PPP6R2: variants seen among roughly 807,000 people sequenced by gnomAD.
PPP6R2 encodes serine/threonine-protein phosphatase 6 regulatory subunit 2.
A neutral mutation model predicts 100.2 loss-of-function variants in PPP6R2; 62 were observed. The ratio of observed to expected loss-of-function variants is 0.62; its 90% confidence interval spans 0.50 to 0.76. The LOEUF (loss-of-function observed/expected upper bound fraction) is 0.76, where lower values mean the gene tolerates loss of function less well. Ranked by LOEUF, PPP6R2 falls within the 30% of genes least tolerant of loss-of-function variation. The probability of loss-of-function intolerance (pLI) is 0.00; values close to 1 mark genes in which losing one functional copy is unlikely to be tolerated. For synonymous variants in PPP6R2, 525 were observed against 514.7 expected (o/e 1.02, Z -0.27); for missense variants, 1,142 against 1,276.3 (o/e 0.89, Z 1.60).
At chr22:50,442,136 C>T (rs554775537) in intron 22 of PPP6R2, among the ~76,000 whole-genome samples, 30 of 152,262 alleles carry the variant, frequency 2.0e-4, no homozygotes, top group Admixed American at 7.8e-4. Flanking sequence ...CCAGCCTCAC[C>T]GCCCAATGCA....
At chr22:50,369,087 A>C (rs2049394233) in intron 1 of PPP6R2, among the ~76,000 whole-genome samples, 1 of 151,870 alleles carries the variant, frequency 6.6e-6, no homozygotes, top group Non-Finnish European at 1.5e-5. Context: ...AAAAATACAA[A>C]ATTAGCTGGG....
chr22:50,353,456 A>C (rs781624394), intron 1 of PPP6R2, among the ~76,000 whole-genome samples: 8 of 152,198 alleles, frequency 5.3e-5, no homozygotes, highest in Non-Finnish European at 1.2e-4. Context: ...CACGGTTTGT[A>C]GTTTCCCAAA....
intron 21 of PPP6R2, among the ~76,000 whole-genome samples, 191 bp downstream of exon 21, chr22:50,440,240 G>A (rs1041582553): frequency 2.0e-5 from 3 of 152,136 alleles, no homozygotes; most frequent in Admixed American, 6.5e-5. Flanking sequence ...GCCCCCAGAG[G>A]GGAGGCAGCA....
At chr22:50,339,998 GGC>G (rs2042354197), upstream of PPP6R2, among the ~76,000 whole-genome samples, 3 of 139,634 alleles carry the variant, frequency 2.1e-5, no homozygotes, top group Admixed American at 7.2e-5. Flanking sequence ...TGTGTTATGT[GGC>G]GTGTGTGTGG....
intron 2 of PPP6R2, among the ~76,000 whole-genome samples, chr22:50,387,389 TACTTA>T (rs2054469892): frequency 6.6e-6 from 1 of 152,190 alleles, no homozygotes; most frequent in Admixed American, 6.5e-5. Context: ...TTTGGATTTT[TACTTA>T]ACTTGTTTGT....
At chr22:50,338,941 TG>T (rs2042335860), upstream of PPP6R2, among the ~76,000 whole-genome samples, 1 of 118,022 alleles carries the variant, frequency 8.5e-6, no homozygotes, top group African/African-American at 3.3e-5. Context: ...TGTGTGTGGG[TG>T]TGTAGGGTGT....
In PPP6R2 at chr22:50,423,322, C is replaced by T. The variant is rs1217424455; in HGVS notation, c.973-140C>T. 3.1e-6 allele frequency: 3 copies of T among 958,614 alleles called. No homozygotes were observed. In the East Asian group the frequency reaches 7.8e-5, roughly 25 times the overall value. 59.4% of individuals were successfully genotyped at this position (958,614 alleles called of 1,614,324 possible). On this transcript the variant is annotated intron_variant, in intron 9 of 23. Transcript: ENST00000612753. The surrounding 1 kb of genome is among the most constrained non-coding windows in gnomAD (Gnocchi z 4.8). ...GCCTTCATTTCTTCTGGCAGACGGC[C>T]CTCCCTGAGGAACCCCCACCACATA...
intron 12 of PPP6R2, among the ~76,000 whole-genome samples, chr22:50,432,975 C>T (rs543626104): frequency 1.2e-4 from 19 of 152,334 alleles, no homozygotes; most frequent in Non-Finnish European, 2.6e-4. Context: ...TCACCTCCTG[C>T]GCCACTGCTG....
At chr22:50,361,997 C>T (rs1445686866) in intron 1 of PPP6R2, among the ~76,000 whole-genome samples, 1 of 152,210 alleles carries the variant, frequency 6.6e-6, no homozygotes, top group African/African-American at 2.4e-5. Context: ...GCCCAAGGTT[C>T]CAGAGCTGCT....
chr22:50,338,334 T>TA (rs972987760), upstream of PPP6R2, among the ~76,000 whole-genome samples: 1 of 135,338 alleles, frequency 7.4e-6, no homozygotes, highest in African/African-American at 2.9e-5. Flanking sequence ...GTGTGTGTGG[T>TA]ATATGTAGTG....
chr22:50,335,230 T>G, the PPP6R2 span, among the ~76,000 whole-genome samples: 1 of 147,900 alleles, frequency 6.8e-6, no homozygotes, highest in African/African-American at 2.5e-5. Flanking sequence ...TTTTTTTTTT[T>G]TTTTTTTTTT....
intron 3 of PPP6R2, among the ~76,000 whole-genome samples, chr22:50,394,895 CAG>C (rs1368549636): frequency 8.7e-6 from 1 of 115,574 alleles, no homozygotes; most frequent in Non-Finnish European, 1.6e-5. Context: ...TCCTGGGTGA[CAG>C]AGTGTGACTC....
chr22:50,347,235 A>G (rs1473979413), intron 1 of PPP6R2, among the ~76,000 whole-genome samples: 2 of 150,236 alleles, frequency 1.3e-5, no homozygotes, highest in African/African-American at 4.9e-5. Context: ...ACCCATTAGT[A>G]CCCTGCCCTG....
chr22:50,379,680 G>C (rs2052449776), intron 2 of PPP6R2, among the ~76,000 whole-genome samples: 1 of 152,100 alleles, frequency 6.6e-6, no homozygotes, highest in Non-Finnish European at 1.5e-5. Context: ...AGGAGTTTGA[G>C]ACCAGCCTGG....
At chr22:50,396,660 C>T (rs749133215) in intron 3 of PPP6R2, among the ~76,000 whole-genome samples, 22 of 152,208 alleles carry the variant, frequency 1.4e-4, no homozygotes, top group Non-Finnish European at 1.0e-4. Context: ...AATAATTCCT[C>T]CCTGGCCATT....
rs756030621 is a variant in PPP6R2 at position 50,444,052 on chromosome 22, G to C, written c.2766G>C (p.Gly922=). ...SSALAVAVPL[G]PIMAVTAAPA... is the part of the protein sequence containing the mutation. The stretch of plus-strand genomic sequence containing the variant: ...CACTGGCCGTGGCGGTCCCCCTAGG[G>C]CCCATCATGGCAGTCACAGCAGCCC... Residue 922 remains glycine (G), a synonymous_variant, in exon 23 of 24, where the codon GGG becomes GGC. Coordinates refer to ENST00000612753, the MANE Select transcript of PPP6R2 (RefSeq NM_001242898.2). The C allele has an allele frequency of 1.3e-5, 21 of 1,612,936 alleles. No homozygotes were observed. The highest frequency in any genetic ancestry group is 1.8e-5 in the Non-Finnish European group (21 of 1,179,732).
intron 1 of PPP6R2, among the ~76,000 whole-genome samples, chr22:50,358,990 GCCCCCCCC>G (rs56089347): frequency 2.3e-5 from 1 of 42,670 alleles, no homozygotes; most frequent in Non-Finnish European, 7.8e-5. Context: ...TAAAAGAACC[GCCCCCCCC>G]CCCCCCCCAA....
In PPP6R2 at chr22:50,352,740, C is replaced by A. The variant is rs201338194; in HGVS notation, c.-148+9190C>A. 3.0e-3 allele frequency among the ~76,000 whole-genome samples: 402 copies of A among 132,336 alleles called. 2 individuals carry two copies. The highest frequency in any genetic ancestry group is 0.012 in the African/African-American group (359 of 30,000). The allele number at this position is 132,336 out of a possible 152,430, so 86.8% of individuals were successfully genotyped here. On this transcript the variant is annotated intron_variant, in intron 1 of 23. Coordinates refer to ENST00000612753, the MANE Select transcript of PPP6R2 (RefSeq NM_001242898.2). ...CTCTGTCTCAAAACAAAAACAAAAA[C>A]AAAAAAAAAAAACACACAAAACAAC...
rs144443562 is a variant in PPP6R2 at position 50,431,436 on chromosome 22, G to A, written c.1335+54G>A. The A allele has an allele frequency of 4.8e-4, 725 of 1,512,088 alleles. 13 individuals are homozygous for A. In the East Asian group the frequency reaches 0.015, roughly 32 times the overall value. 93.7% of individuals were successfully genotyped at this position (1,512,088 alleles called of 1,614,324 possible). Reference sequence around the variant, plus strand: ...GCGCCAACTGCGCCCCACTCAGACCGTGTCCATGTCAGCGCTGACGTGTGC... The same window carrying A: ...GCGCCAACTGCGCCCCACTCAGACCATGTCCATGTCAGCGCTGACGTGTGC... On this transcript the variant is annotated intron_variant, in intron 11 of 23. Coordinates refer to ENST00000612753, the MANE Select transcript of PPP6R2 (RefSeq NM_001242898.2). The surrounding 1 kb of genome is among the most constrained non-coding windows in gnomAD (Gnocchi z 4.8).
Sources: allele counts gnomAD v4.1 joint callset (sites outside exome capture counted in the v4.1 genomes callset), GRCh38; gene constraint gnomAD v4.1.1; non-coding constraint Gnocchi (gnomAD v3.1); transcripts MANE v1.5; gene names NCBI Gene and HGNC (gene_info 2026-07-23, HGNC 2026-07-21).